Variants in NUBPL observed in about 807,000 individuals in gnomAD.
The protein encoded by NUBPL is NUBP iron-sulfur cluster assembly factor, mitochondrial.
NUBPL carries 31 observed loss-of-function variants against 45.7 expected under a neutral mutation model. The observed-to-expected ratio is 0.68, with a 90% CI of 0.51 to 0.92. The LOEUF is 0.92. Among genes scored for constraint, NUBPL ranks in the 40% least tolerant of loss-of-function variants. The pLI is 0.00. For synonymous variants in NUBPL, 144 were observed against 140.9 expected, an observed-to-expected ratio of 1.02 and a Z score of -0.15; for missense variants, 401 against 398.7, an observed-to-expected ratio of 1.01 and a Z score of -0.05.
intron 4 of NUBPL, among the ~76,000 whole-genome samples, chr14:31,643,503 T>C (rs916862831): frequency 8.6e-5 from 13 of 151,974 alleles, no homozygotes; most frequent in Admixed American, 6.5e-5. Context: ...TGAATCCCAC[T>C]TATTCATGGT....
intron 6 of NUBPL, among the ~76,000 whole-genome samples, chr14:31,780,157 G>T (rs1250878610): frequency 6.6e-6 from 1 of 151,836 alleles, no homozygotes; most frequent in African/African-American, 2.4e-5. Flanking sequence ...CTGCCCCCCA[G>T]GTTTAAGCAA....
intron 3 of NUBPL, among the ~76,000 whole-genome samples, chr14:31,583,820 G>T (rs1041071114): frequency 6.6e-6 from 1 of 152,126 alleles, no homozygotes; most frequent in Admixed American, 6.6e-5. Flanking sequence ...AGGTAGAATT[G>T]GTAGGTCTCG....
At chr14:31,826,745 A>G (rs953993337) in intron 8 of NUBPL, 31 bp downstream of exon 8, 5 of 1,578,478 alleles carry the variant, frequency 3.2e-6, no homozygotes, top group East Asian at 2.2e-5. Flanking sequence ...TGTGAAAAAT[A>G]TAAAACTCTT....
At chr14:31,824,098 A>G (rs2040060661) in intron 7 of NUBPL, among the ~76,000 whole-genome samples, 1 of 152,160 alleles carries the variant, frequency 6.6e-6, no homozygotes, top group African/African-American at 2.4e-5. Context: ...TGTAATAATG[A>G]TATTAACAGT....
intron 6 of NUBPL, among the ~76,000 whole-genome samples, chr14:31,757,540 T>A (rs748460250): frequency 1.6e-3 from 241 of 152,270 alleles, no homozygotes; most frequent in Non-Finnish European, 7.3e-4. Context: ...GTGGGATCGG[T>A]CTCTTTTCAA....
At chr14:31,767,575 G>T (rs767248234) in intron 6 of NUBPL, among the ~76,000 whole-genome samples, 5 of 152,164 alleles carry the variant, frequency 3.3e-5, no homozygotes, top group South Asian at 4.1e-4. Flanking sequence ...CCCACAAGTT[G>T]AAATTCACAC....
At chr14:31,824,849 G>A (rs780944398) in intron 7 of NUBPL, among the ~76,000 whole-genome samples, 3 of 152,018 alleles carry the variant, frequency 2.0e-5, no homozygotes, top group Non-Finnish European at 4.4e-5. Context: ...ACAGCATTCT[G>A]TATTTAATTA....
At chr14:31,764,769 G>A (rs1275224144) in intron 6 of NUBPL, among the ~76,000 whole-genome samples, 1 of 152,078 alleles carries the variant, frequency 6.6e-6, no homozygotes, top group African/African-American at 2.4e-5. Context: ...TTACAATTTA[G>A]TGATCTTAAG....
At chr14:31,615,566 T>C (rs1555317946) in intron 4 of NUBPL, among the ~76,000 whole-genome samples, 1 of 152,152 alleles carries the variant, frequency 6.6e-6, no homozygotes, top group Non-Finnish European at 1.5e-5. Context: ...TCTATTCCTG[T>C]GTTAGTTTGC....
chr14:31,754,591 C>CTTTTTTTT (rs59085679), intron 6 of NUBPL, among the ~76,000 whole-genome samples: 10 of 103,694 alleles, frequency 9.6e-5, no homozygotes, highest in Non-Finnish European at 1.2e-4. Flanking sequence ...AGAGGGTTTT[C>CTTTTTTTT]TTTTTTTTTT....
intron 4 of NUBPL, among the ~76,000 whole-genome samples, chr14:31,625,666 G>A (rs1475623520): frequency 3.3e-5 from 5 of 151,912 alleles, no homozygotes; most frequent in Non-Finnish European, 7.4e-5. Flanking sequence ...AGTAGAGACA[G>A]GGTTTCACCA....
At chr14:31,793,378 C>T (rs926329293) in intron 7 of NUBPL, among the ~76,000 whole-genome samples, 9 of 152,158 alleles carry the variant, frequency 5.9e-5, no homozygotes, top group East Asian at 1.9e-4. Flanking sequence ...GTCTACTCCC[C>T]GCCATCTTCC....
chr14:31,662,865 A>G (rs1317987705), intron 4 of NUBPL, among the ~76,000 whole-genome samples: 2 of 152,136 alleles, frequency 1.3e-5, no homozygotes, highest in African/African-American at 4.8e-5. Flanking sequence ...CCAACAGTGT[A>G]AAAACATTTC....
intron 6 of NUBPL, among the ~76,000 whole-genome samples, chr14:31,762,536 T>C (rs948298274): frequency 6.6e-6 from 1 of 152,218 alleles, no homozygotes; most frequent in African/African-American, 2.4e-5. Flanking sequence ...TCTTGGATGC[T>C]TCATATTTAT....
intron 3 of NUBPL, among the ~76,000 whole-genome samples, chr14:31,574,029 A>G (rs1452843800): frequency 6.6e-6 from 1 of 152,198 alleles, no homozygotes; most frequent in East Asian, 1.9e-4. Context: ...TAAATAAAAT[A>G]TACACAGCAA....
chr14:31,846,213 T>G, intron 8 of NUBPL: 1 of 424,622 alleles, frequency 2.4e-6, no homozygotes, highest in Non-Finnish European at 4.4e-6. Context: ...AAGATTTCTC[T>G]TCTTTCTAGG....
At chr14:31,760,584 G>T in intron 6 of NUBPL, among the ~76,000 whole-genome samples, 1 of 151,890 alleles carries the variant, frequency 6.6e-6, no homozygotes, top group Admixed American at 6.6e-5. Context: ...GTCTTTTTGT[G>T]CCTGGCTTAT....
At chr14:31,707,349 T>TAAATATCCTA (rs1396374344) in intron 6 of NUBPL, among the ~76,000 whole-genome samples, 4 of 152,262 alleles carry the variant, frequency 2.6e-5, no homozygotes, top group African/African-American at 9.6e-5. Context: ...TTACCCTGGC[T>TAAATATCCTA]TTTAAAGGAA....
Position 31,801,312 on chromosome 14 carries a change from G to A in NUBPL, c.607+13439G>A, listed in dbSNP as rs571217684. On this transcript the variant is annotated intron_variant, in intron 7 of 10. Coordinates refer to ENST00000281081, the MANE Select transcript of NUBPL (RefSeq NM_025152.3). ...ACAGTCCACAGAGGTCAACTCTTGG[G>A]GGACTGATCAGGGCAGAGGGCATTT... is the stretch of plus-strand genomic sequence containing the variant. 6.6e-5 allele frequency: 10 copies of A among 152,350 alleles called. No homozygotes were observed. The East Asian group carries it at 9.6e-4, about 15-fold the overall frequency. 9.4% of individuals were successfully genotyped at this position (152,350 alleles called of 1,614,324 possible).
Sources: gnomAD v4.1 joint callset for allele counts (sites outside exome capture counted in the v4.1 genomes callset) on GRCh38, gnomAD v4.1.1 for gene constraint, MANE v1.5 for transcripts, NCBI Gene and HGNC (gene_info 2026-07-23, HGNC 2026-07-21) for gene names.